The following A2ML1 variants were observed in gnomAD, a reference collection of about 807,000 sequenced individuals.
The protein encoded by A2ML1 is alpha-2-macroglobulin-like protein 1.
A neutral mutation model predicts 181.9 loss-of-function variants in A2ML1; 161 were observed. That is an observed-to-expected ratio of 0.89 (90% confidence interval 0.78 to 1.01). The LOEUF is 1.01. Among genes scored for constraint, A2ML1 ranks in the 50% least tolerant of loss-of-function variants. The pLI is 0.00. For missense variants in A2ML1, 1,670 were observed against 1,768.1 expected, an observed-to-expected ratio of 0.94 and a Z score of 1.00; for synonymous variants, 663 against 666.8, an observed-to-expected ratio of 0.99 and a Z score of 0.09.
chr12:8,843,981 G>A (rs56230819), intron 12 of A2ML1, among the ~76,000 whole-genome samples: 24,802 of 151,784 alleles, frequency 0.16, 2,278 homozygotes, highest in African/African-American at 0.21. Context: ...CAGTCTCCCA[G>A]AGTGCTGGGA....
intron 14 of A2ML1, among the ~76,000 whole-genome samples, chr12:8,846,444 C>T (rs999706984): frequency 1.6e-4 from 24 of 152,140 alleles, no homozygotes; most frequent in African/African-American, 5.6e-4. Flanking sequence ...GTGGCTCACT[C>T]CTGTAATCCC....
chr12:8,855,448 C>A, intron 22 of A2ML1, 61 bp from the exon 23 acceptor site: 1 of 1,542,152 alleles, frequency 6.5e-7, no homozygotes, highest in South Asian at 1.1e-5. Context: ...AAAATTTTGT[C>A]TTGAGAACCC....
intron 7 of A2ML1, among the ~76,000 whole-genome samples, chr12:8,836,804 GTT>G (rs767167662): frequency 6.6e-6 from 1 of 151,938 alleles, no homozygotes; most frequent in Non-Finnish European, 1.5e-5. Context: ...TTATAGTTGT[GTT>G]TCTGCTGTTT....
intron 33 of A2ML1, among the ~76,000 whole-genome samples, chr12:8,872,873 T>C (rs2136987846): frequency 6.6e-6 from 1 of 152,326 alleles, no homozygotes; most frequent in South Asian, 2.1e-4. Flanking sequence ...ATTTTTGCTT[T>C]AATATCTGGC....
At position 8,837,542 on chromosome 12, in the gene A2ML1, C is replaced by A. The variant is rs1943324914; in HGVS notation, c.831C>A (p.Asp277Glu). The A allele has an allele frequency of 1.9e-6, 3 of 1,613,220 alleles. No homozygotes were observed. Among genetic ancestry groups the A allele is most frequent in the Non-Finnish European group, 2.5e-6 (3 of 1,179,430 alleles). Residue 277 changes from aspartate to glutamate, a missense_variant, in exon 8 of 36, where the codon GAC (aspartate) becomes GAA (glutamate). By Grantham distance (45) the Asp-to-Glu change is conservative (BLOSUM62 2). Coordinates refer to ENST00000299698, the MANE Select transcript of A2ML1 (RefSeq NM_144670.6). ...YREVEREQLP[D>E]KCRNLSGQTD... ...AGGTGGAACGGGAACAGCTTCCTGA[C>A]AAATGCAGGAACCTCTCTGGACAGG...
chr12:8,866,918 ATT>A, intron 29 of A2ML1, among the ~76,000 whole-genome samples: 1 of 152,250 alleles, frequency 6.6e-6, no homozygotes, highest in South Asian at 2.1e-4. Flanking sequence ...CACTTCATTC[ATT>A]TTTCTTTCCC....
Position 8,837,521 on chromosome 12 carries a change from G to A in A2ML1, c.810G>A (p.Val270=), listed in dbSNP as rs2136775064. The change falls in exon 8 of 36, where the codon GTG becomes GTA. Residue 270 remains valine, a synonymous_variant. Transcript: ENST00000299698. ...QKANTYWYRE[V]EREQLPDKCR... is the part of the protein sequence containing the mutation. ...CAAATACTTACTGGTATCGAGAGGT[G>A]GAACGGGAACAGCTTCCTGACAAAT... 2 of 1,613,996 alleles carry A rather than the reference G, an allele frequency of 1.2e-6. No individual in the cohort carries two copies. The highest frequency in any genetic ancestry group is 1.7e-6 in the Non-Finnish European group (2 of 1,179,926).
At chr12:8,824,229 T>G (rs1426711450) in intron 3 of A2ML1, among the ~76,000 whole-genome samples, 163 of 146,974 alleles carry the variant, frequency 1.1e-3, no homozygotes, top group South Asian at 2.1e-3. Flanking sequence ...GGGGTTTTTT[T>G]TTTTTTTTTT....
chr12:8,835,080 A>G lies in A2ML1; in HGVS notation c.483+398A>G, dbSNP rs768478299. The G allele has an allele frequency of 1.1e-4, 32 of 288,068 alleles. 1 individual carries two copies. The South Asian group carries it at 1.9e-3, about 17-fold the overall frequency. The allele number at this position is 288,068 out of a possible 1,614,324, so 17.8% of individuals were successfully genotyped here. ...AGTATTTTAAAGGAAAGGCTCTAGA[A>G]GGTGATTTCTCCACAATATCTTCTC... On this transcript the variant is annotated intron_variant, in intron 5 of 35. Transcript: ENST00000299698.
At chr12:8,874,725 A>T (rs1456734085) in intron 34 of A2ML1, among the ~76,000 whole-genome samples, 198 bp downstream of exon 34, 2 of 152,176 alleles carry the variant, frequency 1.3e-5, no homozygotes, top group African/African-American at 4.8e-5. Context: ...CACTAGAGAC[A>T]TTTTATGTGA....
chr12:8,836,808 CTGCTG>C (rs1943295686), intron 7 of A2ML1, among the ~76,000 whole-genome samples: 1 of 151,880 alleles, frequency 6.6e-6, no homozygotes, highest in Non-Finnish European at 1.5e-5. Flanking sequence ...AGTTGTGTTT[CTGCTG>C]TTTTTTTCCA....
In A2ML1 at chr12:8,863,910, A is replaced by T; in HGVS notation, c.3619A>T (p.Lys1207Ter). ...ATATGCATTGTTGGCCCAGCTTACC[A>T]AGCCCAGCCTGACTCAAAAGGAGAT... ...TAYALLAQLT[K>*]PSLTQKEIAK... Residue 1207 changes from lysine (K) to a stop codon, truncating the protein, a stop_gained, in exon 29 of 36, where the codon AAG becomes TAG. Coordinates refer to ENST00000299698, the MANE Select transcript of A2ML1 (RefSeq NM_144670.6). LOFTEE classifies it high-confidence loss of function. 1 of 1,614,202 alleles carries T rather than the reference A, an allele frequency of 6.2e-7. No homozygotes were observed. Among genetic ancestry groups the T allele is most frequent in the Non-Finnish European group, 8.5e-7 (1 of 1,180,040 alleles).
chr12:8,826,199 T>G (rs956193920), intron 3 of A2ML1, among the ~76,000 whole-genome samples: 10 of 152,166 alleles, frequency 6.6e-5, no homozygotes, highest in African/African-American at 2.4e-4. Flanking sequence ...GTAGATTGCC[T>G]TAGGTAGTAC....
chr12:8,842,401 A>G (rs1204684676), intron 11 of A2ML1, among the ~76,000 whole-genome samples: 2 of 150,426 alleles, frequency 1.3e-5, no homozygotes, highest in Non-Finnish European at 3.0e-5. Flanking sequence ...TGTATTTTTT[A>G]GTAGAGATGG....
intron 24 of A2ML1, 49 bp from the exon 25 acceptor site, chr12:8,857,458 T>C (rs1398801317): frequency 6.2e-7 from 1 of 1,608,712 alleles, no homozygotes; most frequent in East Asian, 2.2e-5. Context: ...GGCATGGGGG[T>C]GTTTTCTGAA....
At chr12:8,828,406 C>T (rs1003393458) in intron 3 of A2ML1, among the ~76,000 whole-genome samples, 1 of 152,142 alleles carries the variant, frequency 6.6e-6, no homozygotes, top group Admixed American at 6.5e-5. Flanking sequence ...AGGAGTACTG[C>T]CTGGATACTT....
chr12:8,829,794 G>T lies in A2ML1; in HGVS notation c.462+15G>T. The T allele has an allele frequency of 6.2e-7, 1 of 1,614,080 alleles. No individual in the cohort carries two copies. Among genetic ancestry groups the T allele is most frequent in the Middle Eastern group, 1.6e-4 (1 of 6,062 alleles). On this transcript the variant is annotated intron_variant, in intron 4 of 35. Coordinates refer to ENST00000299698, the MANE Select transcript of A2ML1 (RefSeq NM_144670.6). ...TGAATGACAAGGTGAGTTGGGAGGA[G>T]GAGAAGGAGTGGCGCAGGGAGAACA...
In A2ML1 at chr12:8,860,946, G is replaced by A. The variant is rs1592146804; in HGVS notation, c.3330G>A (p.Lys1110=). The A allele has an allele frequency of 1.2e-6, 2 of 1,614,086 alleles. No homozygotes were observed. Among genetic ancestry groups the A allele is most frequent in the African/African-American group, 2.7e-5 (2 of 74,992 alleles). Residue 1110 remains lysine, a synonymous_variant, in exon 27 of 36, where the codon AAG becomes AAA. Coordinates refer to ENST00000299698, the MANE Select transcript of A2ML1 (RefSeq NM_144670.6). ...CAGCTGCATTGCTGGAGATGGGAAA[G>A]GATGTAGATGTAAGTTCTCCTGGCT... is the stretch of plus-strand genomic sequence containing the variant. ...YVTAALLEMG[K]DVDDPMVSQG... is the part of the protein sequence containing the mutation.
intron 27 of A2ML1, 76 bp downstream of exon 27, chr12:8,861,031 T>G: frequency 3.7e-6 from 6 of 1,608,202 alleles, no homozygotes; most frequent in Non-Finnish European, 4.3e-6. Context: ...CATCTTTGTC[T>G]CTAGTCACCC....
Sources: gnomAD v4.1 joint callset for allele counts (sites outside exome capture counted in the v4.1 genomes callset) on GRCh38, gnomAD v4.1.1 for gene constraint, MANE v1.5 for transcripts, NCBI Gene and HGNC (gene_info 2026-07-23, HGNC 2026-07-21) for gene names.